The following SLC35F5 variants were observed in gnomAD, a reference collection of about 807,000 sequenced individuals.
The protein encoded by SLC35F5 is solute carrier family 35 member F5.
A neutral mutation model predicts 68.6 loss-of-function variants in SLC35F5; 54 were observed. The ratio of observed to expected loss-of-function variants is 0.79; its 90% CI spans 0.63 to 0.99. The LOEUF (loss-of-function observed/expected upper bound fraction) is 0.99, where lower values mean the gene tolerates loss of function less well. SLC35F5 is among the 50% of genes least tolerant of loss of function. The pLI, the probability that SLC35F5 is intolerant of heterozygous loss-of-function variation, is 0.00. For missense variants in SLC35F5, 567 were observed against 626.9 expected, an observed-to-expected ratio of 0.90 and a Z score of 1.02; for synonymous variants, 211 against 205.2, an observed-to-expected ratio of 1.03 and a Z score of -0.24.
chr2:113,731,716 T>G, intron 9 of SLC35F5, 68 bp from the exon 10 acceptor site: 1 of 1,299,662 alleles, frequency 7.7e-7, no homozygotes, highest in Non-Finnish European at 1.1e-6. Context: ...AAGATAAAAA[T>G]TATTTATAAG....
rs768700914 is a variant in SLC35F5, at chr2:113,750,379, G to GT, written c.417+45dup. On this transcript the variant is annotated intron_variant, in intron 4 of 15. Transcript: ENST00000245680. ...ATACATCTTTAAACTTTGAAAAAAC[G>GT]TATCTATACCCCCTTCCTAACAGAC... 6 of 1,477,462 alleles carry GT rather than the reference G, an allele frequency of 4.1e-6. No individual in the cohort carries two copies. The Admixed American group carries it at 9.6e-5, about 24-fold the overall frequency. The allele number at this position is 1,477,462 out of a possible 1,614,324, so 91.5% of individuals were successfully genotyped here.
chr2:113,723,966 T>C (rs545953389), intron 12 of SLC35F5, among the ~76,000 whole-genome samples: 2 of 152,182 alleles, frequency 1.3e-5, no homozygotes, highest in Non-Finnish European at 2.9e-5. Flanking sequence ...AAAACCATAA[T>C]GTATATTGTT....
chr2:113,755,934 C>T, intron 1 of SLC35F5: 1 of 1,550,358 alleles, frequency 6.5e-7, no homozygotes, highest in African/African-American at 1.4e-5. Context: ...CCCTGATCTG[C>T]TGGAGTGGAA....
downstream of SLC35F5, among the ~76,000 whole-genome samples, chr2:113,706,217 A>G (rs1192439543): frequency 6.6e-6 from 1 of 152,154 alleles, no homozygotes; most frequent in African/African-American, 2.4e-5. Context: ...ACCAAGCTCC[A>G]AGCTCCTGTG....
Position 113,707,850 on chromosome 2 carries a change from C to G in SLC35F5, c.*7368G>C, listed in dbSNP as rs781362704. On this transcript the variant is annotated 3_prime_UTR_variant, in exon 16 of 16. Coordinates refer to ENST00000245680, the MANE Select transcript of SLC35F5 (RefSeq NM_025181.5). ...TGCTGGGATTACAGGTGTGAGCCAC[C>G]GCACCTGGCCTGAATATAAAGACTC... Among the ~76,000 whole-genome samples, 1 of 151,770 alleles carries G rather than the reference C, an allele frequency of 6.6e-6. No individual in the cohort carries two copies. Among genetic ancestry groups the G allele is most frequent in the East Asian group, 1.9e-4 (1 of 5,180 alleles).
In SLC35F5 at chr2:113,735,834, G is replaced by T; in HGVS notation, c.775C>A (p.Gln259Lys). The T allele has an allele frequency of 6.2e-7, 1 of 1,609,366 alleles. No individual in the cohort carries two copies. The highest frequency in any genetic ancestry group is 8.5e-7 in the Non-Finnish European group (1 of 1,178,070). ...FVWFLANLSY[Q>K]EALSDTQVAI... ...ACTTGTGTGTCTGAAAGTGCTTCTT[G>T]ATATGACAAATTTGCCAAAAACCAC... Residue 259 changes from glutamine to lysine, a missense_variant, in exon 8 of 16, where the codon CAA becomes AAA. Gln to Lys is a moderately conservative substitution (Grantham distance 53). Transcript: ENST00000245680.
intron 3 of SLC35F5, among the ~76,000 whole-genome samples, chr2:113,753,195 T>TTC (rs1676827107): frequency 7.6e-6 from 1 of 131,978 alleles, no homozygotes; most frequent in African/African-American, 2.8e-5. Flanking sequence ...TTTTTTTTTT[T>TTC]GCTAAGGAGT....
At position 113,756,511 on chromosome 2, in the gene SLC35F5, G is replaced by A. The variant is rs1326073166; in HGVS notation, c.-102C>T. 6.6e-7 allele frequency: 1 copy of A among 1,509,986 alleles called. No homozygotes were observed. The highest frequency in any genetic ancestry group is 2.1e-5 in the Admixed American group (1 of 48,704). 93.5% of individuals were successfully genotyped at this position (1,509,986 alleles called of 1,614,324 possible). A position where few individuals can be genotyped will look rare whatever the true frequency, so the allele number is the denominator to read the frequency against. On this transcript the variant is annotated 5_prime_UTR_variant, in exon 1 of 16. Coordinates refer to ENST00000245680, the MANE Select transcript of SLC35F5 (RefSeq NM_025181.5). ...GACATCGCGCCGCACTGGAGGCCCA[G>A]CTCCTGAAGACGCGGTGCCCCTCAG...
At position 113,706,735 on chromosome 2, in the gene SLC35F5, T is replaced by C. The variant is rs1686808665; in HGVS notation, c.*8483A>G. ...GAAAGAATGAATGAGTGAAAATGTT[T>C]TAATAAAAGGAAACTAGAAATCAAA... On this transcript the variant is annotated 3_prime_UTR_variant, in exon 16 of 16. Coordinates refer to ENST00000245680, the MANE Select transcript of SLC35F5 (RefSeq NM_025181.5). Among the ~76,000 whole-genome samples, 1 of 152,170 alleles carries C rather than the reference T, an allele frequency of 6.6e-6. No homozygotes were observed. The highest frequency in any genetic ancestry group is 2.4e-5 in the African/African-American group (1 of 41,446).
rs144446393 is a variant in SLC35F5 at position 113,717,718 on chromosome 2, C to T, written c.*22+35G>A. The T allele has an allele frequency of 6.8e-4, 905 of 1,333,624 alleles. 9 individuals are homozygous for T. The African/African-American group carries it at 0.012, about 18-fold the overall frequency. The allele number at this position is 1,333,624 out of a possible 1,614,324, so 82.6% of individuals were successfully genotyped here. On this transcript the variant is annotated intron_variant, in intron 15 of 15. Transcript: ENST00000245680. ...CCTTTGAATATTACACAGATAAGAA[C>T]CTTATTCAATACTAAACCCAGCTCA...
chr2:113,717,708 C>T, intron 15 of SLC35F5, 45 bp downstream of exon 15: 1 of 1,263,114 alleles, frequency 7.9e-7, no homozygotes, highest in Non-Finnish European at 1.1e-6. Context: ...GAATATTACA[C>T]AGATAAGAAC....
chr2:113,714,065 G>A lies in SLC35F5; in HGVS notation c.*1153C>T, dbSNP rs1222260521. 2.0e-5 allele frequency: 3 copies of A among 152,144 alleles called. No homozygotes were observed. Among genetic ancestry groups the A allele is most frequent in the Non-Finnish European group, 4.4e-5 (3 of 67,998 alleles). 9.4% of individuals were successfully genotyped at this position (152,144 alleles called of 1,614,324 possible). On this transcript the variant is annotated 3_prime_UTR_variant, in exon 16 of 16. Coordinates refer to ENST00000245680, the MANE Select transcript of SLC35F5 (RefSeq NM_025181.5). Reference sequence around the variant, plus strand: ...ACATACGTTTACTGATATCTATGGTGAATAGAGTCCAGGAGCAGTTGCATA... The same window carrying A: ...ACATACGTTTACTGATATCTATGGTAAATAGAGTCCAGGAGCAGTTGCATA...
intron 3 of SLC35F5, among the ~76,000 whole-genome samples, chr2:113,753,163 TTTTTC>T (rs1266153267): frequency 5.0e-5 from 2 of 39,796 alleles, no homozygotes; most frequent in Non-Finnish European, 1.4e-4. Context: ...CCAAAGTTTG[TTTTTC>T]TTTTTTTTTT....
chr2:113,743,019 A>G (rs368785365), intron 6 of SLC35F5, 140 bp from the exon 7 acceptor site: 3 of 730,530 alleles, frequency 4.1e-6, no homozygotes, highest in East Asian at 2.7e-5. Flanking sequence ...GAGGTATATC[A>G]TTACCTGAGA....
intron 3 of SLC35F5, among the ~76,000 whole-genome samples, chr2:113,750,806 C>T (rs1377972085): frequency 6.6e-6 from 1 of 152,210 alleles, no homozygotes; most frequent in Non-Finnish European, 1.5e-5. Context: ...GTTTACCATT[C>T]GTTGGGACCT....
chr2:113,721,387 G>A (rs1196529281), intron 13 of SLC35F5: 3 of 153,698 alleles, frequency 2.0e-5, no homozygotes, highest in Non-Finnish European at 2.9e-5. Flanking sequence ...GTTTGGTTAT[G>A]TTTTTATAAT....
At chr2:113,746,708 T>C (rs1190818652) in intron 4 of SLC35F5, among the ~76,000 whole-genome samples, 1 of 152,144 alleles carries the variant, frequency 6.6e-6, no homozygotes, top group Non-Finnish European at 1.5e-5. Flanking sequence ...GTGGATCATT[T>C]GAGGTCAGGA....
Position 113,731,260 on chromosome 2 carries a change from C to CTA in SLC35F5, c.985+322_985+323dup, listed in dbSNP as rs1687873899. Among the ~76,000 whole-genome samples, 3 of 151,884 alleles carry CTA rather than the reference C, an allele frequency of 2.0e-5. No homozygotes were observed. The South Asian group carries it at 6.2e-4, about 32-fold the overall frequency. The stretch of plus-strand genomic sequence containing the variant: ...CGACAATTAAATGCAATAAATGATC[C>CTA]TAGATCAGAAAAAGAACATTAGTGG... On this transcript the variant is annotated intron_variant, in intron 10 of 15. Transcript: ENST00000245680.
intron 14 of SLC35F5, 111 bp from the exon 15 acceptor site, chr2:113,717,961 C>G: frequency 1.6e-6 from 1 of 627,582 alleles, no homozygotes; most frequent in Middle Eastern, 2.6e-4. Context: ...AAGTCAGTGG[C>G]AGAACCAACA....
Sources: allele counts gnomAD v4.1 joint callset (sites outside exome capture counted in the v4.1 genomes callset), GRCh38; gene constraint gnomAD v4.1.1; transcripts MANE v1.5; gene names NCBI Gene and HGNC (gene_info 2026-07-23, HGNC 2026-07-21).